The following SAP130 variants were observed in gnomAD, a reference collection of about 807,000 sequenced individuals.
The protein encoded by SAP130 is Sin3A associated protein 130.
A neutral mutation model predicts 103.2 loss-of-function variants in SAP130; 16 were observed. The observed-to-expected ratio is 0.16, with a 90% confidence interval of 0.10 to 0.24. The LOEUF is 0.24. SAP130 is among the 10% of genes least tolerant of loss of function. SAP130 has a pLI of 1.00. For synonymous variants in SAP130, 477 were observed against 497.0 expected, an observed-to-expected ratio of 0.96 and a Z score of 0.53; for missense variants, 990 against 1,359.7, an observed-to-expected ratio of 0.73 and a Z score of 4.28.
At chr2:128,008,150 T>C (rs980065325) in intron 7 of SAP130, among the ~76,000 whole-genome samples, 3 of 152,206 alleles carry the variant, frequency 2.0e-5, no homozygotes, top group Non-Finnish European at 4.4e-5. Context: ...TTTGATTCAG[T>C]GAATCTCTTC....
chr2:127,999,125 T>A (rs528747526), intron 10 of SAP130, among the ~76,000 whole-genome samples: 5 of 152,330 alleles, frequency 3.3e-5, no homozygotes, highest in African/African-American at 1.2e-4. Flanking sequence ...TAGCACCCTC[T>A]GTGCTAAAAG....
intron 15 of SAP130, among the ~76,000 whole-genome samples, chr2:127,972,975 C>T (rs180829159): frequency 2.6e-5 from 4 of 152,190 alleles, no homozygotes; most frequent in Admixed American, 2.6e-4. Context: ...CCGAAGTGTT[C>T]ATTAGCTGAA....
At chr2:127,966,331 C>T (rs1045635571) in intron 15 of SAP130, among the ~76,000 whole-genome samples, 1 of 151,880 alleles carries the variant, frequency 6.6e-6, no homozygotes. Flanking sequence ...GGGGACAGAG[C>T]GAGACTCCGT....
intron 12 of SAP130, among the ~76,000 whole-genome samples, chr2:127,992,236 T>C (rs1012632997): frequency 1.3e-5 from 2 of 151,646 alleles, no homozygotes; most frequent in Non-Finnish European, 2.9e-5. Context: ...CCTCCCAAAG[T>C]GCTGGGATTA....
chr2:127,949,848 A>G, intron 18 of SAP130, 21 bp downstream of exon 18: 1 of 1,612,474 alleles, frequency 6.2e-7, no homozygotes, highest in African/African-American at 1.3e-5. Flanking sequence ...ATTAATATCA[A>G]GTGTTTCTGG....
At chr2:128,003,897 T>C (rs909823683) in intron 7 of SAP130, among the ~76,000 whole-genome samples, 2 of 150,764 alleles carry the variant, frequency 1.3e-5, no homozygotes, top group Admixed American at 1.3e-4. Context: ...GTTTCAGATT[T>C]TGGCATATTA....
At chr2:128,027,004 T>C in intron 1 of SAP130, 2 of 1,233,734 alleles carry the variant, frequency 1.6e-6, no homozygotes, top group Non-Finnish European at 2.1e-6. Flanking sequence ...TCCAGACACC[T>C]CGGAGTGTGA....
In SAP130 at chr2:127,976,537, T is replaced by C. The variant is rs148382317; in HGVS notation, c.2063+1448A>G. Reference sequence around the variant, plus strand: ...TTTTATGAAGAAGTAAATCTAAATATACTAACATGGCAAACTATTACTGAT... The same window carrying C: ...TTTTATGAAGAAGTAAATCTAAATACACTAACATGGCAAACTATTACTGAT... On this transcript the variant is annotated intron_variant, in intron 15 of 20. Transcript: ENST00000643581. Among the ~76,000 whole-genome samples, 27 of 152,308 alleles carry C rather than the reference T, an allele frequency of 1.8e-4. No homozygotes were observed. In the Middle Eastern group the frequency reaches 0.01, roughly 58 times the overall value.
chr2:127,946,144 G>C (rs1449453469), intron 18 of SAP130, among the ~76,000 whole-genome samples: 1 of 152,110 alleles, frequency 6.6e-6, no homozygotes, highest in African/African-American at 2.4e-5. Flanking sequence ...CAAACATTTT[G>C]CCGGAAGAAG....
At chr2:127,961,863 G>A (rs1314496378) in intron 15 of SAP130, among the ~76,000 whole-genome samples, 3 of 152,106 alleles carry the variant, frequency 2.0e-5, no homozygotes, top group African/African-American at 7.2e-5. Context: ...GGGGGTGGGA[G>A]GAGGTATTTC....
chr2:127,982,155 T>A (rs187693704), intron 14 of SAP130, among the ~76,000 whole-genome samples: 64 of 150,560 alleles, frequency 4.3e-4, no homozygotes, highest in African/African-American at 1.6e-3. Context: ...GACAATTTCT[T>A]TTTACAAAGA....
chr2:128,010,220 A>C (rs199647630), intron 7 of SAP130, 49 bp downstream of exon 7: 6 of 1,566,076 alleles, frequency 3.8e-6, no homozygotes, highest in Non-Finnish European at 4.3e-6. Context: ...AAAAAGAGTG[A>C]AGGAGGAGGA....
Position 127,950,426 on chromosome 2 carries a change from G to A in SAP130, c.2423-18C>T, listed in dbSNP as rs1221263947. The A allele has an allele frequency of 6.2e-7, 1 of 1,613,262 alleles. No individual in the cohort carries two copies. The highest frequency in any genetic ancestry group is 8.5e-7 in the Non-Finnish European group (1 of 1,179,462). On this transcript the variant is annotated intron_variant, in intron 16 of 20. Transcript: ENST00000643581. ...AGGAACTGCTGTCATAGGAAAAGGA[G>A]CACACATATCTGTAAGAACTCAAAG... is the stretch of plus-strand genomic sequence containing the variant.
intron 2 of SAP130, among the ~76,000 whole-genome samples, chr2:128,024,888 A>T (rs1685397517): frequency 6.6e-6 from 1 of 151,406 alleles, no homozygotes; most frequent in South Asian, 2.1e-4. Flanking sequence ...CAAAAAAATT[A>T]AAAAAATAAA....
At chr2:127,975,940 G>C (rs919290597) in intron 15 of SAP130, among the ~76,000 whole-genome samples, 2 of 152,144 alleles carry the variant, frequency 1.3e-5, no homozygotes, top group Non-Finnish European at 2.9e-5. Context: ...CGCCTCCTGG[G>C]TTCACGCCAT....
chr2:128,001,917 A>G (rs1030720536), intron 7 of SAP130, among the ~76,000 whole-genome samples: 12 of 151,954 alleles, frequency 7.9e-5, no homozygotes, highest in African/African-American at 2.9e-4. Flanking sequence ...ATTACCAGAG[A>G]AGGAGTGAAA....
intron 15 of SAP130, among the ~76,000 whole-genome samples, chr2:127,957,784 C>A (rs905350876): frequency 3.3e-5 from 5 of 151,474 alleles, no homozygotes; most frequent in Admixed American, 1.3e-4. Context: ...ATTGAGAAGG[C>A]TTTAAGATAA....
At position 128,014,797 on chromosome 2, in the gene SAP130, C is replaced by T. The variant is rs75040203; in HGVS notation, c.619+6G>A. On this transcript the variant is annotated splice_donor_region_variant and intron_variant, in intron 5 of 20. Coordinates refer to ENST00000643581, the MANE Select transcript of SAP130 (RefSeq NM_001330301.2). ...GAGAGTTTGAACAAAACTTGCAAGT[C>T]GTTACCTCGAGGTAAATGAGAAGCT... The T allele has an allele frequency of 0.031, 49,378 of 1,600,196 alleles. 2,419 individuals carry two copies. Among genetic ancestry groups the T allele is most frequent in the African/African-American group, 0.21 (15,517 of 74,652 alleles).
rs193019943 is a variant in SAP130, at chr2:127,998,283, T to A, written c.1213+1458A>T. Among the ~76,000 whole-genome samples the A allele has an allele frequency of 4.0e-3, 617 of 152,358 alleles. 3 individuals carry two copies. Among genetic ancestry groups the A allele is most frequent in the Non-Finnish European group, 6.6e-3 (446 of 68,038 alleles). ...CCATAATTCTGAGAACATGATCATATGTTGACCAGAACATGAAGAAAATAA... is the reference window on the plus strand; with the variant it reads ...CCATAATTCTGAGAACATGATCATAAGTTGACCAGAACATGAAGAAAATAA... On this transcript the variant is annotated intron_variant, in intron 10 of 20. Coordinates refer to ENST00000643581, the MANE Select transcript of SAP130 (RefSeq NM_001330301.2).
Sources: allele counts gnomAD v4.1 joint callset (sites outside exome capture counted in the v4.1 genomes callset), GRCh38; gene constraint gnomAD v4.1.1; transcripts MANE v1.5; gene names NCBI Gene and HGNC (gene_info 2026-07-23, HGNC 2026-07-21).